The following DOCK3 variants were observed in gnomAD, a reference collection of about 807,000 sequenced individuals.
DOCK3 encodes the protein dedicator of cytokinesis 3.
Under a neutral mutation model 265.6 loss-of-function variants are expected in DOCK3, and 60 were observed. The ratio of observed to expected loss-of-function variants is 0.23; its 90% CI spans 0.18 to 0.28. The LOEUF (loss-of-function observed/expected upper bound fraction) is 0.28. DOCK3 is among the 10% of genes least tolerant of loss of function. The probability of loss-of-function intolerance (pLI) is 1.00; values close to 1 mark genes in which losing one functional copy is unlikely to be tolerated. For synonymous variants in DOCK3, 881 were observed against 938.0 expected (o/e 0.94, Z 1.11); for missense variants, 1,981 against 2,594.3 (o/e 0.76, Z 5.14).
chr3:50,796,292 A>G (rs978446279), intron 2 of DOCK3, among the ~76,000 whole-genome samples: 43 of 151,608 alleles, frequency 2.8e-4, no homozygotes, highest in Non-Finnish European at 5.0e-4. Context: ...CGGCCTCCCA[A>G]AGTGCTGGGA....
intron 5 of DOCK3, among the ~76,000 whole-genome samples, chr3:50,973,068 T>TTTTTTTTTTTTC (rs1559881995): frequency 6.9e-6 from 1 of 144,992 alleles, no homozygotes; most frequent in Admixed American, 6.9e-5. Context: ...TTTTTTTTTT[T>TTTTTTTTTTTTC]TTTTTGCAGT....
chr3:51,181,253 T>C (rs549286948), intron 12 of DOCK3, among the ~76,000 whole-genome samples: 1 of 151,780 alleles, frequency 6.6e-6, no homozygotes, highest in South Asian at 2.1e-4. Context: ...TCGTCATTTA[T>C]ATTAGGTATA....
At chr3:50,911,290 A>G (rs776994074) in intron 4 of DOCK3, among the ~76,000 whole-genome samples, 1 of 152,094 alleles carries the variant, frequency 6.6e-6, no homozygotes. Context: ...CATAGTTTCA[A>G]GTCTTACATT....
chr3:50,860,432 T>C (rs2046855292), intron 3 of DOCK3, among the ~76,000 whole-genome samples: 1 of 152,076 alleles, frequency 6.6e-6, no homozygotes, highest in Non-Finnish European at 1.5e-5. Flanking sequence ...TGAGGAGATA[T>C]GGGAACAGGT....
chr3:50,877,561 G>A (rs923951972), intron 3 of DOCK3: 14 of 519,478 alleles, frequency 2.7e-5, no homozygotes, highest in Non-Finnish European at 5.4e-5. Flanking sequence ...ATACAGAATG[G>A]TCAAGCGAGG....
intron 1 of DOCK3, among the ~76,000 whole-genome samples, chr3:50,754,558 CT>C (rs541191723): frequency 0.04 from 5,466 of 136,584 alleles, 158 homozygotes; most frequent in African/African-American, 0.089. Flanking sequence ...GTTTTAACAA[CT>C]TTTTTTTTTT....
intron 5 of DOCK3, among the ~76,000 whole-genome samples, chr3:50,973,399 T>C (rs2108490577): frequency 6.9e-6 from 1 of 145,792 alleles, no homozygotes; most frequent in African/African-American, 2.6e-5. Flanking sequence ...TTTGGTTTTT[T>C]GTTCTTGCGA....
intron 12 of DOCK3, among the ~76,000 whole-genome samples, chr3:51,172,386 C>T (rs1348572846): frequency 1.3e-5 from 2 of 152,146 alleles, no homozygotes; most frequent in Non-Finnish European, 2.9e-5. Flanking sequence ...CCATGTTAGC[C>T]AGGATGGTCT....
chr3:50,792,531 C>T (rs763451489), intron 2 of DOCK3, among the ~76,000 whole-genome samples: 5 of 152,092 alleles, frequency 3.3e-5, no homozygotes, highest in Admixed American at 6.6e-5. Context: ...TGTCTTGTGC[C>T]GGTTTTCAAG....
chr3:51,364,782 C>G (rs924922996), intron 49 of DOCK3, among the ~76,000 whole-genome samples: 1 of 152,156 alleles, frequency 6.6e-6, no homozygotes, highest in Non-Finnish European at 1.5e-5. Context: ...TGTCAAAGAT[C>G]AGATGGTTGT....
chr3:51,280,876 G>A (rs1412944773), intron 27 of DOCK3, among the ~76,000 whole-genome samples: 1 of 152,086 alleles, frequency 6.6e-6, no homozygotes, highest in African/African-American at 2.4e-5. Flanking sequence ...CTCGTGTCCA[G>A]TCCCTACTCC....
At chr3:50,888,999 T>G (rs1553694720) in intron 3 of DOCK3, among the ~76,000 whole-genome samples, 1 of 151,930 alleles carries the variant, frequency 6.6e-6, no homozygotes, top group Non-Finnish European at 1.5e-5. Flanking sequence ...TAATTGCTTA[T>G]AGCCTTCATT....
intron 2 of DOCK3, among the ~76,000 whole-genome samples, chr3:50,792,375 G>A (rs76567705): frequency 6.6e-6 from 1 of 152,184 alleles, no homozygotes; most frequent in African/African-American, 2.4e-5. Context: ...GTGGGGTTTT[G>A]TAGGTATAGG....
intron 9 of DOCK3, among the ~76,000 whole-genome samples, chr3:51,116,450 C>CA (rs55898136): frequency 0.56 from 30,765 of 54,706 alleles, 8,449 homozygotes; most frequent in Non-Finnish European, 0.62. Flanking sequence ...GACTCCATCT[C>CA]AAAAAAAAAA....
intron 5 of DOCK3, among the ~76,000 whole-genome samples, chr3:51,027,703 G>T (rs1001920324): frequency 6.6e-6 from 1 of 151,904 alleles, no homozygotes; most frequent in Non-Finnish European, 1.5e-5. Flanking sequence ...GCCCTTCTTT[G>T]TCCTTTTTAT....
intron 12 of DOCK3, among the ~76,000 whole-genome samples, chr3:51,200,207 G>A (rs1335638370): frequency 6.6e-6 from 1 of 151,994 alleles, no homozygotes; most frequent in Non-Finnish European, 1.5e-5. Context: ...CGAGTTGAGA[G>A]AAGAAGGCTT....
intron 9 of DOCK3, among the ~76,000 whole-genome samples, chr3:51,125,908 T>A (rs2084246198): frequency 1.3e-5 from 2 of 152,190 alleles, no homozygotes; most frequent in Admixed American, 1.3e-4. Flanking sequence ...TCAATATTAT[T>A]ATTACTAAGA....
At chr3:51,267,725 A>T (rs2080274545) in intron 23 of DOCK3, among the ~76,000 whole-genome samples, 3 of 152,110 alleles carry the variant, frequency 2.0e-5, no homozygotes, top group African/African-American at 7.2e-5. Flanking sequence ...ACAATAGCAA[A>T]GATTTGGAAC....
At chr3:51,329,225 A>G (rs1301315521) in intron 32 of DOCK3, among the ~76,000 whole-genome samples, 2 of 152,190 alleles carry the variant, frequency 1.3e-5, no homozygotes, top group Admixed American at 1.3e-4. Flanking sequence ...TCTCACCTCA[A>G]AGTGAATCCA....
Sources: allele counts gnomAD v4.1 joint callset (sites outside exome capture counted in the v4.1 genomes callset), GRCh38; gene constraint gnomAD v4.1.1; transcripts MANE v1.5; gene names NCBI Gene and HGNC (gene_info 2026-07-23, HGNC 2026-07-21).